FGF14: variants seen among roughly 807,000 people sequenced by gnomAD.
The protein encoded by FGF14 is fibroblast growth factor 14.
A neutral mutation model predicts 25.5 loss-of-function variants in FGF14; 5 were observed. That is an observed-to-expected ratio of 0.20 (90% confidence interval 0.10 to 0.41). FGF14 has a LOEUF of 0.41. FGF14 is among the 10% of genes least tolerant of loss of function. The pLI is 1.00. For missense variants in FGF14, 222 were observed against 320.1 expected (o/e 0.69, Z 2.34); for synonymous variants, 138 against 118.3 (o/e 1.17, Z -1.08).
chr13:102,019,882 C>T lies in FGF14; in HGVS notation c.209-144586G>A, dbSNP rs147245409. On this transcript the variant is annotated intron_variant, in intron 1 of 4. Coordinates refer to the FGF14 transcript ENST00000376131. ...CAAGAAAGAGGGTTATTCTATTCAA[C>T]GCAGGTGTGAACATTATGGATGCCT... is the stretch of plus-strand genomic sequence containing the variant. 4.3e-4 allele frequency among the ~76,000 whole-genome samples: 65 copies of T among 152,204 alleles called. 1 individual carries two copies. The East Asian group carries it at 0.011, about 25-fold the overall frequency.
At chr13:101,801,030 C>T (rs1007055524) in intron 3 of FGF14, among the ~76,000 whole-genome samples, 8 of 152,110 alleles carry the variant, frequency 5.3e-5, no homozygotes, top group Non-Finnish European at 1.0e-4. Flanking sequence ...ACTGGGTGCC[C>T]GCAAGCAGGT....
exon 1 of FGF14, chr13:102,401,549 A>G (rs771086608): frequency 2.5e-6 from 4 of 1,614,228 alleles, no homozygotes; most frequent in Non-Finnish European, 3.4e-6. Context: ...AAAATGTTCC[A>G]AAGAAACCAC....
intron 1 of FGF14, among the ~76,000 whole-genome samples, chr13:102,180,967 T>C (rs925856218): frequency 1.3e-5 from 2 of 152,178 alleles, no homozygotes; most frequent in Non-Finnish European, 2.9e-5. Context: ...GTTTATATTA[T>C]AGTAAATGGT....
chr13:101,933,238 T>C (rs1378673898), intron 1 of FGF14, among the ~76,000 whole-genome samples: 1 of 152,214 alleles, frequency 6.6e-6, no homozygotes, highest in African/African-American at 2.4e-5. Flanking sequence ...TTGGCCTCTT[T>C]GCATGTGTTT....
intron 1 of FGF14, among the ~76,000 whole-genome samples, chr13:102,328,619 A>G (rs987047271): frequency 1.3e-5 from 2 of 152,218 alleles, no homozygotes. Flanking sequence ...TGCCTGGTAC[A>G]TTGTGGATGC....
chr13:101,715,526 G>T lies in FGF14; in HGVS notation c.*7305C>A. 3 of 1,423,170 alleles carry T rather than the reference G, an allele frequency of 2.1e-6. No individual in the cohort carries two copies. The South Asian group carries it at 3.5e-5, about 16-fold the overall frequency. The allele number at this position is 1,423,170 out of a possible 1,614,324, so 88.2% of individuals were successfully genotyped here. ...AGCATGTTTAAATTTGGCACATTTT[G>T]ATCATAATCATGATACCTATATGTA... On this transcript the variant is annotated 3_prime_UTR_variant, in exon 5 of 5. Transcript: ENST00000376143.
chr13:102,098,931 A>T (rs1351961333), intron 1 of FGF14, among the ~76,000 whole-genome samples: 6 of 152,244 alleles, frequency 3.9e-5, no homozygotes, highest in African/African-American at 7.2e-5. Context: ...TAAGATGTAA[A>T]GGACAGAAAA....
intron 1 of FGF14, among the ~76,000 whole-genome samples, chr13:102,338,575 C>T (rs771958338): frequency 6.6e-6 from 1 of 152,196 alleles, no homozygotes; most frequent in East Asian, 1.9e-4. Context: ...TTGAGAAAGC[C>T]TCCAATTTAA....
chr13:101,763,152 A>G (rs2038140556), intron 3 of FGF14, among the ~76,000 whole-genome samples: 1 of 152,000 alleles, frequency 6.6e-6, no homozygotes, highest in South Asian at 2.1e-4. Context: ...TAGAGAGAAT[A>G]GAGTGTGATG....
At position 101,806,474 on chromosome 13, in the gene FGF14, A is replaced by AT. The variant is rs973570423; in HGVS notation, c.408+62250dup. Among the ~76,000 whole-genome samples the AT allele has an allele frequency of 1.7e-3, 257 of 150,718 alleles. 1 individual carries two copies. The highest frequency in any genetic ancestry group is 6.0e-3 in the African/African-American group (244 of 40,964). On this transcript the variant is annotated intron_variant, in intron 3 of 4. Transcript: ENST00000376143. ...ATATATGTATATGTACATTGAGAAA[A>AT]TTTTTTTTTTTGTTTTCATTCCAAA...
At chr13:102,318,184 T>C in intron 1 of FGF14, among the ~76,000 whole-genome samples, 1 of 152,096 alleles carries the variant, frequency 6.6e-6, no homozygotes, top group Non-Finnish European at 1.5e-5. Context: ...TGCAGACATT[T>C]AGGGCCAAGC....
chr13:102,294,414 C>CA (rs56656066), intron 1 of FGF14, among the ~76,000 whole-genome samples: 2,528 of 122,892 alleles, frequency 0.021, 62 homozygotes, highest in African/African-American at 0.063. Flanking sequence ...CTGTTTGGTC[C>CA]AAAAAAAAAA....
At chr13:102,271,093 T>C (rs2053222719) in intron 1 of FGF14, among the ~76,000 whole-genome samples, 1 of 152,202 alleles carries the variant, frequency 6.6e-6, no homozygotes, top group Non-Finnish European at 1.5e-5. Flanking sequence ...ATTATTAGTT[T>C]CATCTTGCTA....
chr13:102,072,886 G>A (rs892999443), intron 1 of FGF14, among the ~76,000 whole-genome samples: 15 of 152,170 alleles, frequency 9.9e-5, no homozygotes, highest in African/African-American at 3.4e-4. Context: ...GCGAAGAATG[G>A]CAATAGAAAG....
rs143331098 is a variant in FGF14, at chr13:101,907,570, C to G, written c.193+8883G>C. Among the ~76,000 whole-genome samples the G allele has an allele frequency of 6.5e-3, 987 of 152,224 alleles. 9 individuals are homozygous for G. The highest frequency in any genetic ancestry group is 9.2e-3 in the Non-Finnish European group (624 of 68,002). ...TGACCGTGACAAGAACAGTTTGTTA[C>G]TGGGGACAAACACCTGTTTAGAAAG... On this transcript the variant is annotated intron_variant, in intron 1 of 4. Transcript: ENST00000376143.
At chr13:101,728,152 C>G (rs1040973638) in intron 3 of FGF14, among the ~76,000 whole-genome samples, 2 of 152,126 alleles carry the variant, frequency 1.3e-5, no homozygotes, top group African/African-American at 4.8e-5. Flanking sequence ...ATGCAGGAGA[C>G]AATTTATTCA....
intron 1 of FGF14, among the ~76,000 whole-genome samples, chr13:101,967,163 T>A (rs957715864): frequency 6.6e-6 from 1 of 152,210 alleles, no homozygotes; most frequent in African/African-American, 2.4e-5. Flanking sequence ...TCACTTAGAA[T>A]GAACCTTAAA....
At chr13:102,052,317 C>A (rs1472742102) in intron 1 of FGF14, among the ~76,000 whole-genome samples, 2 of 151,920 alleles carry the variant, frequency 1.3e-5, no homozygotes, top group Non-Finnish European at 2.9e-5. Flanking sequence ...TGATAAAAAG[C>A]TGGAAAGTTT....
intron 1 of FGF14, among the ~76,000 whole-genome samples, chr13:101,980,916 A>G (rs2038208467): frequency 6.6e-6 from 1 of 152,002 alleles, no homozygotes; most frequent in African/African-American, 2.4e-5. Context: ...AGGTGATTCC[A>G]CCCTCCTCAA....
Sources: allele counts gnomAD v4.1 joint callset (sites outside exome capture counted in the v4.1 genomes callset), GRCh38; gene constraint gnomAD v4.1.1; transcripts MANE v1.5; gene names NCBI Gene and HGNC (gene_info 2026-07-23, HGNC 2026-07-21).